Variants in CHFR observed in about 807,000 individuals in gnomAD.
CHFR encodes the protein E3 ubiquitin-protein ligase CHFR.
CHFR carries 57 observed loss-of-function variants against 87.6 expected under a neutral mutation model. The observed-to-expected ratio is 0.65, with a 90% CI of 0.53 to 0.81. The LOEUF is 0.81. Among genes scored for constraint, CHFR ranks in the 30% least tolerant of loss-of-function variants. The probability of loss-of-function intolerance (pLI) is 0.00; values close to 1 mark genes in which losing one functional copy is unlikely to be tolerated. For synonymous variants in CHFR, 381 were observed against 359.2 expected (o/e 1.06, Z -0.69); for missense variants, 797 against 865.8 (o/e 0.92, Z 1.00).
intron 4 of CHFR, 67 bp downstream of exon 4, chr12:132,872,218 G>A (rs1282072545): frequency 1.0e-5 from 10 of 970,942 alleles, no homozygotes; most frequent in East Asian, 2.4e-5. Flanking sequence ...CAGGAGGAAC[G>A]TTCAGAGAGC....
chr12:132,852,423 C>T (rs1400678552), intron 11 of CHFR, among the ~76,000 whole-genome samples: 1 of 149,722 alleles, frequency 6.7e-6, no homozygotes, highest in Non-Finnish European at 1.5e-5. Context: ...AAACAAAGGA[C>T]AGCCACGGTG....
chr12:132,844,469 A>G (rs1183529283), intron 15 of CHFR, among the ~76,000 whole-genome samples: 1 of 109,880 alleles, frequency 9.1e-6, no homozygotes, highest in Non-Finnish European at 2.4e-5. Flanking sequence ...TATTTTTAGT[A>G]GAGACTGGGT....
chr12:132,847,916 G>A (rs1950861811), intron 14 of CHFR, 169 bp downstream of exon 14: 1 of 1,465,186 alleles, frequency 6.8e-7, no homozygotes, highest in Non-Finnish European at 9.0e-7. Flanking sequence ...AACACCAATG[G>A]CATGCAGAGA....
chr12:132,877,747 A>G, intron 2 of CHFR, 93 bp from the exon 3 acceptor site: 1 of 698,948 alleles, frequency 1.4e-6, no homozygotes, highest in Non-Finnish European at 2.4e-6. Context: ...GTTCCAACTC[A>G]GGATCCCCAT....
chr12:132,842,874 G>T, intron 17 of CHFR, 137 bp downstream of exon 17: 1 of 719,028 alleles, frequency 1.4e-6, no homozygotes, highest in Non-Finnish European at 2.5e-6. Flanking sequence ...GGAAGAGCAG[G>T]ATTTCTAAAT....
At chr12:132,842,728 C>T (rs1199743855) in intron 17 of CHFR, among the ~76,000 whole-genome samples, 1 of 152,248 alleles carries the variant, frequency 6.6e-6, no homozygotes, top group Non-Finnish European at 1.5e-5. Flanking sequence ...GTGACTGCAG[C>T]CTTCGACTTA....
chr12:132,834,578 A>T lies in CHFR; in HGVS notation c.*6976T>A. 6.6e-6 allele frequency: 1 copy of T among 152,158 alleles called. No homozygotes were observed. Among genetic ancestry groups the T allele is most frequent in the South Asian group, 2.1e-4 (1 of 4,810 alleles). 9.4% of individuals were successfully genotyped at this position (152,158 alleles called of 1,614,324 possible). ...TTCCTTCTGGTGGCCCTGCAGGGAG[A>T]TCTGTTTTCTTTTCTGCTTCGACAG... On this transcript the variant is annotated 3_prime_UTR_variant, in exon 18 of 18. Coordinates refer to ENST00000450056, the MANE Select transcript of CHFR (RefSeq NM_001161346.2).
Position 132,841,436 on chromosome 12 carries a change from G to A in CHFR, c.*118C>T. ...GAGTCACCCCAGAGCACCTGTCGGA[G>A]ACCCTGCGTCCCTTCCCTCAGGGGG... On this transcript the variant is annotated 3_prime_UTR_variant, in exon 18 of 18. Transcript: ENST00000450056. The A allele has an allele frequency of 1.1e-6, 1 of 873,464 alleles. No individual in the cohort carries two copies. The highest frequency in any genetic ancestry group is 1.9e-6 in the Non-Finnish European group (1 of 516,362). The allele number at this position is 873,464 out of a possible 1,614,324, so 54.1% of individuals were successfully genotyped here. A position where few individuals can be genotyped will look rare whatever the true frequency, so the allele number is the denominator to read the frequency against.
intron 2 of CHFR, among the ~76,000 whole-genome samples, chr12:132,885,806 A>C (rs1231037461): frequency 4.6e-5 from 7 of 152,210 alleles, no homozygotes; most frequent in Non-Finnish European, 1.0e-4. Flanking sequence ...ATGTGTTGAC[A>C]GATTGGAAAC....
At position 132,837,524 on chromosome 12, in the gene CHFR, G is replaced by A. The variant is rs1950656729; in HGVS notation, c.*4030C>T. 6.5e-6 allele frequency: 1 copy of A among 153,042 alleles called. No individual in the cohort carries two copies. Among genetic ancestry groups the A allele is most frequent in the Non-Finnish European group, 1.5e-5 (1 of 68,672 alleles). The allele number at this position is 153,042 out of a possible 1,614,324, so 9.5% of individuals were successfully genotyped here. A position where few individuals can be genotyped will look rare whatever the true frequency, so the allele number is the denominator to read the frequency against. On this transcript the variant is annotated 3_prime_UTR_variant, in exon 18 of 18. Transcript: ENST00000450056. ...CCCTCGGGCCTGCAGGTAACAGGCA[G>A]GTGCGGTAAACTAACTAGAAAGTAG...
At chr12:132,884,476 T>C (rs1951842675) in intron 2 of CHFR, among the ~76,000 whole-genome samples, 1 of 151,984 alleles carries the variant, frequency 6.6e-6, no homozygotes, top group African/African-American at 2.4e-5. Context: ...GTTCTACAAC[T>C]GTTAGGAACT....
At position 132,838,783 on chromosome 12, in the gene CHFR, G is replaced by A. The variant is rs1221841193; in HGVS notation, c.*2771C>T. 1 of 152,296 alleles carries A rather than the reference G, an allele frequency of 6.6e-6. No homozygotes were observed. Among genetic ancestry groups the A allele is most frequent in the Non-Finnish European group, 1.5e-5 (1 of 68,104 alleles). The allele number at this position is 152,296 out of a possible 1,614,324, so 9.4% of individuals were successfully genotyped here. On this transcript the variant is annotated 3_prime_UTR_variant, in exon 18 of 18. Transcript: ENST00000450056. ...TGGGTCTTGAGGACGAGGAAGTACA[G>A]AAGCTCATGAAAAGACGGAATGAGT...
At chr12:132,877,393 G>A (rs1176646584) in intron 3 of CHFR, among the ~76,000 whole-genome samples, 162 bp downstream of exon 3, 2 of 152,208 alleles carry the variant, frequency 1.3e-5, no homozygotes, top group African/African-American at 4.8e-5. Flanking sequence ...GATCCCTGTT[G>A]CTAAGGGACA....
intron 2 of CHFR, among the ~76,000 whole-genome samples, chr12:132,881,347 A>T (rs948725694): frequency 6.6e-6 from 1 of 152,246 alleles, no homozygotes; most frequent in Admixed American, 6.5e-5. Context: ...ATATTTGTAA[A>T]ACACATATCT....
chr12:132,853,761 G>C (rs1951001338), intron 10 of CHFR, 188 bp from the exon 11 acceptor site: 1 of 628,580 alleles, frequency 1.6e-6, no homozygotes, highest in South Asian at 2.4e-5. Context: ...CGAGTCGAAG[G>C]GCAAGGACAC....
chr12:132,882,670 G>C (rs1219005857), intron 2 of CHFR, among the ~76,000 whole-genome samples: 1 of 150,864 alleles, frequency 6.6e-6, no homozygotes, highest in Non-Finnish European at 1.5e-5. Context: ...GCCAGAGCCA[G>C]TTTGTAACAG....
intron 9 of CHFR, among the ~76,000 whole-genome samples, chr12:132,856,875 T>C (rs1347209387): frequency 1.5e-5 from 2 of 129,530 alleles, no homozygotes; most frequent in African/African-American, 2.9e-5. Flanking sequence ...GGTGTGTGGA[T>C]GCCCTCACTT....
chr12:132,866,190 C>T (rs964208979), intron 6 of CHFR: 7 of 152,200 alleles, frequency 4.6e-5, no homozygotes, highest in Admixed American at 2.0e-4. Flanking sequence ...ACTCACTCTC[C>T]ACAGTCTTGC....
rs1381533831 is a variant in CHFR, at chr12:132,869,625, T to C, written c.577A>G (p.Ser193Gly). The change falls in exon 6 of 18, where the codon AGT becomes GGT. Residue 193 changes from serine (S) to glycine (G), a missense_variant. Physicochemically the swap from Ser to Gly is moderately conservative, Grantham distance 56 (BLOSUM62 0). Around this residue, in one of 2 missense-constraint regions of CHFR, gnomAD observed 597 missense variants for 601.2 expected, o/e 0.99. Transcript: ENST00000450056. ...PSPAGRERSS[S>G]CGSGGGGISP... ...TCATGAGATGTGACCTCACCACAACTGGAGGAACGCTCTCGCCCTGCAGGA... is the reference window on the plus strand; with the variant it reads ...TCATGAGATGTGACCTCACCACAACCGGAGGAACGCTCTCGCCCTGCAGGA... The C allele has an allele frequency of 5.8e-6, 9 of 1,551,392 alleles. No individual in the cohort carries two copies. The highest frequency in any genetic ancestry group is 1.7e-4 in the Middle Eastern group (1 of 5,986).
Sources: gnomAD v4.1 joint callset for allele counts (sites outside exome capture counted in the v4.1 genomes callset) on GRCh38, gnomAD v4.1.1 for gene constraint, gnomAD v4.1.1 regional missense constraint, MANE v1.5 for transcripts, NCBI Gene and HGNC (gene_info 2026-07-23, HGNC 2026-07-21) for gene names.